The following CAST variants were observed in gnomAD, a reference collection of about 807,000 sequenced individuals.
CAST encodes MIR583 host.
CAST carries 76 observed loss-of-function variants against 119.6 expected under a neutral mutation model. That is an observed-to-expected ratio of 0.64 (90% CI 0.53 to 0.77). The LOEUF (loss-of-function observed/expected upper bound fraction) is 0.77. Among genes scored for constraint, CAST ranks in the 30% least tolerant of loss-of-function variants. The pLI is 0.00. For missense variants in CAST, 953 were observed against 946.5 expected, an observed-to-expected ratio of 1.01 and a Z score of -0.09; for synonymous variants, 319 against 331.6, an observed-to-expected ratio of 0.96 and a Z score of 0.41.
the CAST span, among the ~76,000 whole-genome samples, chr5:96,257,368 T>A: frequency 6.6e-6 from 1 of 152,166 alleles, no homozygotes; most frequent in East Asian, 1.9e-4. Flanking sequence ...TATGCAGGAA[T>A]CTTAGCAAGG....
intron 20 of CAST, among the ~76,000 whole-genome samples, chr5:96,751,779 G>A (rs985049330): frequency 6.6e-6 from 1 of 152,226 alleles, no homozygotes; most frequent in African/African-American, 2.4e-5. Flanking sequence ...TCTGCCAAGT[G>A]TGACTGCCCG....
the CAST span, among the ~76,000 whole-genome samples, chr5:96,294,449 A>G: frequency 6.6e-6 from 1 of 152,234 alleles, no homozygotes; most frequent in Non-Finnish European, 1.5e-5. Context: ...TGGTTTGACT[A>G]GCATGGGTCC....
chr5:96,695,547 G>A (rs577678444), intron 2 of CAST, among the ~76,000 whole-genome samples: 5 of 152,314 alleles, frequency 3.3e-5, no homozygotes, highest in Admixed American at 3.3e-4. Context: ...CTGTAAGGGT[G>A]AGTGAAGTTT....
At chr5:96,642,300 A>T (rs1389050613) in intron 1 of CAST, among the ~76,000 whole-genome samples, 2 of 152,194 alleles carry the variant, frequency 1.3e-5, no homozygotes, top group African/African-American at 4.8e-5. Context: ...CATGGTACAT[A>T]ATATGTCCTC....
intron 1 of CAST, among the ~76,000 whole-genome samples, chr5:96,663,661 A>G: frequency 6.6e-6 from 1 of 152,196 alleles, no homozygotes; most frequent in South Asian, 2.1e-4. Flanking sequence ...CCCAAACATC[A>G]AGGGGCAGAA....
chr5:96,517,943 A>C, the CAST span, among the ~76,000 whole-genome samples: 1 of 152,252 alleles, frequency 6.6e-6, no homozygotes, highest in African/African-American at 2.4e-5. Flanking sequence ...AACAACACTT[A>C]TAAGGTAAAG....
chr5:96,120,056 A>G, the CAST span, among the ~76,000 whole-genome samples: 20 of 152,176 alleles, frequency 1.3e-4, no homozygotes, highest in Non-Finnish European at 5.9e-5. Flanking sequence ...TTTATCCACT[A>G]GATAGCAAAT....
rs9314171 is a variant in CAST at position 96,544,153 on chromosome 5, A to G, written c.60+14273A>G. Reference sequence around the variant, plus strand: ...TGAGTCTGTAGAGCAAATGGGGAAAAACTGATATCTTGACAACATCGAGTC... The same window carrying G: ...TGAGTCTGTAGAGCAAATGGGGAAAGACTGATATCTTGACAACATCGAGTC... On this transcript the variant is annotated intron_variant, in intron 1 of 11. Coordinates refer to the CAST transcript ENST00000505143. 6.7e-3 allele frequency among the ~76,000 whole-genome samples: 1,018 copies of G among 152,304 alleles called. 13 individuals are homozygous for G. The highest frequency in any genetic ancestry group is 0.023 in the African/African-American group (950 of 41,562).
At chr5:96,729,500 T>A (rs1275460769) in intron 7 of CAST, 112 bp from the exon 8 acceptor site, 4 of 648,182 alleles carry the variant, frequency 6.2e-6, no homozygotes, top group South Asian at 3.7e-5. Context: ...ACAGCACAAC[T>A]GTTATGAACA....
At chr5:96,410,884 T>C in the CAST span, 1 of 1,614,000 alleles carries the variant, frequency 6.2e-7, no homozygotes, top group Non-Finnish European at 8.5e-7. Flanking sequence ...CTGATGGAGA[T>C]GGTGTAGATG....
chr5:96,361,809 C>CTTT, the CAST span, among the ~76,000 whole-genome samples: 1,113 of 68,524 alleles, frequency 0.016, 63 homozygotes, highest in African/African-American at 0.046. Flanking sequence ...CTCTAGTATG[C>CTTT]TTTTTTTTTT....
the CAST span, among the ~76,000 whole-genome samples, chr5:96,020,595 A>T: frequency 6.6e-6 from 1 of 152,102 alleles, no homozygotes; most frequent in Non-Finnish European, 1.5e-5. Flanking sequence ...TGCTCCTGCA[A>T]TCTAGGTTGC....
At chr5:95,963,725 C>CTTTTTTTTTTTTTTTTTTTTTT in the CAST span, among the ~76,000 whole-genome samples, 3 of 129,992 alleles carry the variant, frequency 2.3e-5, no homozygotes, top group Admixed American at 7.9e-5. Flanking sequence ...TTCTCTCTCT[C>CTTTTTTTTTTTTTTTTTTTTTT]TTTTTTTTTT....
At chr5:96,292,150 A>C in the CAST span, among the ~76,000 whole-genome samples, 2 of 152,158 alleles carry the variant, frequency 1.3e-5, no homozygotes, top group Non-Finnish European at 2.9e-5. Flanking sequence ...CTACAAACAG[A>C]GGCTTCAAGC....
At chr5:96,667,753 G>A (rs113640570) in intron 1 of CAST, among the ~76,000 whole-genome samples, 4,084 of 152,196 alleles carry the variant, frequency 0.027, 186 homozygotes, top group African/African-American at 0.093. Context: ...GTTGGCTCAC[G>A]CCTGTAATCC....
chr5:96,289,393 G>A, the CAST span, among the ~76,000 whole-genome samples: 3 of 152,094 alleles, frequency 2.0e-5, no homozygotes, highest in Admixed American at 6.5e-5. Context: ...TAATGCCCAC[G>A]TGTTGTGGGA....
At chr5:96,193,686 G>A in the CAST span, among the ~76,000 whole-genome samples, 1 of 152,188 alleles carries the variant, frequency 6.6e-6, no homozygotes, top group Non-Finnish European at 1.5e-5. Context: ...TTAAGTAACA[G>A]TGGGATTGGA....
At chr5:96,736,285 T>C (rs1561547012) in intron 10 of CAST, 45 bp downstream of exon 10, 1 of 1,187,024 alleles carries the variant, frequency 8.4e-7, no homozygotes, top group South Asian at 1.3e-5. Context: ...GTTACTCATA[T>C]GCTCTGTATT....
chr5:96,660,814 G>A (rs1391094669), upstream of CAST, among the ~76,000 whole-genome samples: 1 of 151,964 alleles, frequency 6.6e-6, no homozygotes. Flanking sequence ...GAATGTAACC[G>A]ATGCCAACAA....
Sources: allele counts gnomAD v4.1 joint callset (sites outside exome capture counted in the v4.1 genomes callset), GRCh38; gene constraint gnomAD v4.1.1; transcripts MANE v1.5; gene names NCBI Gene and HGNC (gene_info 2026-07-23, HGNC 2026-07-21).